The following PGD variants were observed in gnomAD, a reference collection of about 807,000 sequenced individuals.
PGD encodes phosphogluconate dehydrogenase.
A neutral mutation model predicts 60.4 loss-of-function variants in PGD; 21 were observed. That is an observed-to-expected ratio of 0.35 (90% CI 0.25 to 0.50). PGD has a LOEUF of 0.50. Ranked by LOEUF, PGD falls within the 20% of genes least tolerant of loss-of-function variation. PGD has a pLI of 0.98. For synonymous variants in PGD, 230 were observed against 235.9 expected (o/e 0.97, Z 0.23); for missense variants, 477 against 613.1 (o/e 0.78, Z 2.34).
Position 10,419,907 on chromosome 1 carries a change from C to G in PGD, c.*158C>G. 1.2e-6 allele frequency: 1 copy of G among 865,102 alleles called. No homozygotes were observed. The highest frequency in any genetic ancestry group is 1.8e-6 in the Non-Finnish European group (1 of 560,938). The allele number at this position is 865,102 out of a possible 1,614,324, so 53.6% of individuals were successfully genotyped here. The stretch of plus-strand genomic sequence containing the variant: ...GACACACAGTTTATTTGTAAAGTAG[C>G]TCTGTGAGAGCCACCATGCCCTCTG... On this transcript the variant is annotated 3_prime_UTR_variant, in exon 13 of 13. Coordinates refer to ENST00000270776, the MANE Select transcript of PGD (RefSeq NM_002631.4).
rs192368037 is a variant in PGD at position 10,408,900 on chromosome 1, C to T, written c.519+760C>T. ...TGCTGAGGTTACAGGCATGCGCCAC[C>T]ATGCCCGGCCTCGTGTTGCTGTTAA... On this transcript the variant is annotated intron_variant, in intron 6 of 12. Transcript: ENST00000270776. Among the ~76,000 whole-genome samples the T allele has an allele frequency of 1.1e-4, 17 of 152,306 alleles. No homozygotes were observed. The East Asian group carries it at 2.7e-3, about 24-fold the overall frequency.
chr1:10,410,233 C>T (rs1236156634), intron 6 of PGD, among the ~76,000 whole-genome samples: 1 of 152,028 alleles, frequency 6.6e-6, no homozygotes, highest in East Asian at 1.9e-4. Flanking sequence ...AGTGGATCAC[C>T]TGAGGTCAGG....
In PGD at chr1:10,419,760, C is replaced by T. The variant is rs1639660369; in HGVS notation, c.*11C>T. 2 of 1,614,158 alleles carry T rather than the reference C, an allele frequency of 1.2e-6. No homozygotes were observed. Among genetic ancestry groups the T allele is most frequent in the South Asian group, 1.1e-5 (1 of 91,076 alleles). On this transcript the variant is annotated 3_prime_UTR_variant, in exon 13 of 13. Transcript: ENST00000270776. ...TCATACAATGCCTGATCATGCTGCTCCTGTCACCCTCCACGATTCCACAGA... is the reference window on the plus strand; with the variant it reads ...TCATACAATGCCTGATCATGCTGCTTCTGTCACCCTCCACGATTCCACAGA...
chr1:10,404,096 C>T, intron 4 of PGD, 65 bp from the exon 5 acceptor site: 7 of 1,106,032 alleles, frequency 6.3e-6, no homozygotes, highest in Non-Finnish European at 9.2e-6. Context: ...TTTTGGGTAG[C>T]ATAATGAAAC....
rs955921229 is a variant in PGD, at chr1:10,420,489, ATTAAAC to A, written c.*743_*748del. 1.3e-5 allele frequency among the ~76,000 whole-genome samples: 2 copies of A among 148,800 alleles called. No individual in the cohort carries two copies. Among genetic ancestry groups the A allele is most frequent in the African/African-American group, 5.0e-5 (2 of 40,130 alleles). On this transcript the variant is annotated 3_prime_UTR_variant, in exon 13 of 13. Transcript: ENST00000270776. ...TACTTCATACTAAACTTTCTAGAGA[ATTAAAC>A]TTTAATGATGGGCTCAGCTTGGTCT...
intron 4 of PGD, among the ~76,000 whole-genome samples, chr1:10,403,565 T>C (rs1186596595): frequency 1.7e-5 from 2 of 121,038 alleles, no homozygotes; most frequent in East Asian, 5.2e-4. Flanking sequence ...CACTCCAGCC[T>C]GGGCGACAGA....
chr1:10,404,836 T>C (rs1639374028), intron 5 of PGD, among the ~76,000 whole-genome samples: 1 of 152,188 alleles, frequency 6.6e-6, no homozygotes, highest in South Asian at 2.1e-4. Context: ...TAGGTAATGT[T>C]CTGTGCAATG....
rs1639294644 is a variant in PGD, at chr1:10,400,414, G to T, written c.106G>T (p.Val36Phe). 6.2e-7 allele frequency: 1 copy of T among 1,613,744 alleles called. No homozygotes were observed. The change falls in exon 3 of 13, where the codon GTC becomes TTC. Residue 36 changes from valine to phenylalanine, a missense_variant. Transcript: ENST00000270776. ...CTAGGTCTGTGCTTTTAATAGGACT[G>T]TCTCCAAAGTTGATGATTTCTTGGC... Reference protein sequence around the residue: ...GFVVCAFNRTVSKVDDFLANE... With the variant: ...GFVVCAFNRTFSKVDDFLANE...
intron 8 of PGD, among the ~76,000 whole-genome samples, chr1:10,414,864 G>A (rs1639568799): frequency 6.6e-6 from 1 of 151,678 alleles, no homozygotes; most frequent in Non-Finnish European, 1.5e-5. Context: ...TGACCGAGGT[G>A]GGCGGATCAC....
At position 10,419,853 on chromosome 1, in the gene PGD, TA is replaced by T; in HGVS notation, c.*108del. 1 of 1,396,960 alleles carries T rather than the reference TA, an allele frequency of 7.2e-7. No individual in the cohort carries two copies. Among genetic ancestry groups the T allele is most frequent in the Non-Finnish European group, 9.9e-7 (1 of 1,012,344 alleles). 86.5% of individuals were successfully genotyped at this position (1,396,960 alleles called of 1,614,324 possible). A position where few individuals can be genotyped will look rare whatever the true frequency, so the allele number is the denominator to read the frequency against. On this transcript the variant is annotated 3_prime_UTR_variant, in exon 13 of 13. Coordinates refer to ENST00000270776, the MANE Select transcript of PGD (RefSeq NM_002631.4). ...TTGCCCTATTTTCTGTTCAGTTTTT[TA>T]AAAGTGTTGTAAGAGACTCCTGAGG...
rs200154079 is a variant in PGD, at chr1:10,419,722, C to T, written c.1425C>T (p.Thr475=). Residue 475 remains threonine, a synonymous_variant, in exon 13 of 13, where the codon ACC becomes ACT. Coordinates refer to ENST00000270776, the MANE Select transcript of PGD (RefSeq NM_002631.4). ...IHTNWTGHGG[T]VSSSSYNA is the part of the protein sequence containing the mutation. Reference sequence around the variant, plus strand: ...CCAACTGGACAGGCCATGGTGGCACCGTGTCATCCTCGTCATACAATGCCT... The same window carrying T: ...CCAACTGGACAGGCCATGGTGGCACTGTGTCATCCTCGTCATACAATGCCT... 5.5e-5 allele frequency: 89 copies of T among 1,614,158 alleles called. No homozygotes were observed. The Admixed American group carries it at 9.2e-4, about 17-fold the overall frequency.
At chr1:10,412,734 C>A (rs540264076) in intron 7 of PGD, 1 of 232,898 alleles carries the variant, frequency 4.3e-6, no homozygotes, top group Non-Finnish European at 8.5e-6. Context: ...ACTGTGAGAA[C>A]GAAGAGTAAA....
At chr1:10,418,978 G>A (rs1268727020) in intron 11 of PGD, 53 bp downstream of exon 11, 11 of 972,300 alleles carry the variant, frequency 1.1e-5, no homozygotes, top group Non-Finnish European at 1.6e-5. Context: ...GGGGCCATCA[G>A]TTGTGATGTT....
rs1353324137 is a variant in PGD at position 10,400,435 on chromosome 1, T to G, written c.127T>G (p.Leu43Val). 6.2e-7 allele frequency: 1 copy of G among 1,614,052 alleles called. No homozygotes were observed. The highest frequency in any genetic ancestry group is 2.2e-5 in the East Asian group (1 of 44,884). ...NRTVSKVDDF[L>V]ANEAKGTKVV... ...GACTGTCTCCAAAGTTGATGATTTCTTGGCCAATGAGGCAAAGGGAACCAA... is the reference window on the plus strand; with the variant it reads ...GACTGTCTCCAAAGTTGATGATTTCGTGGCCAATGAGGCAAAGGGAACCAA... The change falls in exon 3 of 13, where the codon TTG becomes GTG. Residue 43 changes from leucine to valine, a missense_variant. By Grantham distance (32) the Leu-to-Val change is conservative (BLOSUM62 1). Coordinates refer to ENST00000270776, the MANE Select transcript of PGD (RefSeq NM_002631.4).
At chr1:10,399,219 A>G in intron 1 of PGD, 94 bp downstream of exon 1, 1 of 1,429,336 alleles carries the variant, frequency 7.0e-7, no homozygotes, top group Non-Finnish European at 9.6e-7. Flanking sequence ...GACGCCTCCC[A>G]CCCTGGGGGT....
At chr1:10,408,183 C>T (rs775324773) in intron 6 of PGD, 43 bp downstream of exon 6, 82 of 1,122,360 alleles carry the variant, frequency 7.3e-5, no homozygotes, top group Admixed American at 1.9e-4. Context: ...GCAACATGGG[C>T]GTGTCTAAGT....
chr1:10,415,030 G>C (rs1422137826), intron 8 of PGD, among the ~76,000 whole-genome samples: 1 of 151,630 alleles, frequency 6.6e-6, no homozygotes, highest in African/African-American at 2.4e-5. Context: ...GGCGGAATTT[G>C]CAGTGGGCTG....
intron 3 of PGD, among the ~76,000 whole-genome samples, chr1:10,401,196 C>CT (rs1450773464): frequency 6.6e-6 from 1 of 151,550 alleles, no homozygotes; most frequent in Non-Finnish European, 1.5e-5. Flanking sequence ...GAGACTCCGT[C>CT]TCAAAAAAAA....
chr1:10,407,969 G>T, intron 5 of PGD, 102 bp from the exon 6 acceptor site: 1 of 728,304 alleles, frequency 1.4e-6, no homozygotes, highest in South Asian at 1.6e-5. Flanking sequence ...AAAAAGAAAG[G>T]AAAAGATAGG....
Sources: gnomAD v4.1 joint callset for allele counts (sites outside exome capture counted in the v4.1 genomes callset) on GRCh38, gnomAD v4.1.1 for gene constraint, MANE v1.5 for transcripts, NCBI Gene and HGNC (gene_info 2026-07-23, HGNC 2026-07-21) for gene names.